HSF2: variants seen among roughly 807,000 people sequenced by gnomAD.
The protein encoded by HSF2 is heat shock factor protein 2.
HSF2 carries 21 observed loss-of-function variants against 65.0 expected under a neutral mutation model. The ratio of observed to expected loss-of-function variants is 0.32; its 90% confidence interval spans 0.23 to 0.47. The LOEUF (loss-of-function observed/expected upper bound fraction) is 0.47, where lower values mean the gene tolerates loss of function less well. HSF2 is among the 20% of genes least tolerant of loss of function. The pLI, the probability that HSF2 is intolerant of heterozygous loss-of-function variation, is 1.00. For missense variants in HSF2, 499 were observed against 628.1 expected, an observed-to-expected ratio of 0.79 and a Z score of 2.20; for synonymous variants, 225 against 219.1, an observed-to-expected ratio of 1.03 and a Z score of -0.24.
chr6:122,416,160 T>C, intron 4 of HSF2, 61 bp from the exon 5 acceptor site: 1 of 991,026 alleles, frequency 1.0e-6, no homozygotes, highest in Non-Finnish European at 1.6e-6. Flanking sequence ...TTAAAGATAC[T>C]ATGGTCTGGT....
At chr6:122,431,644 A>C in intron 12 of HSF2, 130 bp downstream of exon 12, 1 of 548,770 alleles carries the variant, frequency 1.8e-6, no homozygotes, top group African/African-American at 2.0e-5. Flanking sequence ...AGGTTCTAGT[A>C]TATAGAGAAA....
upstream of HSF2, chr6:122,399,629 T>G: frequency 1.1e-6 from 1 of 876,232 alleles, no homozygotes; most frequent in Non-Finnish European, 1.8e-6. Flanking sequence ...GGGACCAAGA[T>G]CTGCTGCGCC....
chr6:122,431,684 G>GTT (rs3085253), intron 12 of HSF2, among the ~76,000 whole-genome samples, 170 bp downstream of exon 12: 83,262 of 148,950 alleles, frequency 0.56, 23,320 homozygotes, highest in South Asian at 0.7. Context: ...AATTCTTTAA[G>GTT]TTTTTTTTTT....
Position 122,399,674 on chromosome 6 carries a change from A to G in HSF2, c.-64A>G. The G allele has an allele frequency of 7.1e-7, 1 of 1,399,930 alleles. No homozygotes were observed. Among genetic ancestry groups the G allele is most frequent in the Non-Finnish European group, 1.0e-6 (1 of 997,934 alleles). 86.7% of individuals were successfully genotyped at this position (1,399,930 alleles called of 1,614,324 possible). A position where few individuals can be genotyped will look rare whatever the true frequency, so the allele number is the denominator to read the frequency against. ...GGCGTTCTCGGGGAGCTGCTGCCGT[A>G]GCTGCCGCCGCCGCTACCACCGCGT... On this transcript the variant is annotated 5_prime_UTR_variant, in exon 1 of 13. Transcript: ENST00000368455.
chr6:122,414,092 CA>C (rs762082880), intron 4 of HSF2, among the ~76,000 whole-genome samples: 3 of 151,926 alleles, frequency 2.0e-5, no homozygotes, highest in African/African-American at 7.3e-5. Context: ...AAGTAGGACA[CA>C]AAAAAATCGG....
intron 10 of HSF2, among the ~76,000 whole-genome samples, chr6:122,425,543 T>A (rs1463809698): frequency 6.6e-6 from 1 of 152,062 alleles, no homozygotes; most frequent in African/African-American, 2.4e-5. Context: ...TGGCAAGAAT[T>A]AGAAATAATT....
intron 4 of HSF2, among the ~76,000 whole-genome samples, chr6:122,415,878 G>A (rs1174518814): frequency 1.3e-5 from 2 of 152,116 alleles, no homozygotes; most frequent in Admixed American, 1.3e-4. Flanking sequence ...TTAGCTGGTT[G>A]TGGTGGCACA....
chr6:122,399,900 G>C lies in HSF2; in HGVS notation c.93+70G>C. The C allele has an allele frequency of 2.5e-6, 3 of 1,198,938 alleles. No homozygotes were observed. The South Asian group carries it at 3.7e-5, about 15-fold the overall frequency. 74.3% of individuals were successfully genotyped at this position (1,198,938 alleles called of 1,614,324 possible). On this transcript the variant is annotated intron_variant, in intron 1 of 12. Transcript: ENST00000368455. ...CTCCTCACTCGCTCTCCTGCGGGGT[G>C]GTCTCTCGCGGCCTTGCGGCTCGAC...
chr6:122,427,758 T>C, intron 10 of HSF2, 145 bp from the exon 11 acceptor site: 2 of 441,386 alleles, frequency 4.5e-6, no homozygotes, highest in Non-Finnish European at 8.1e-6. Flanking sequence ...TTTCTGCTTT[T>C]CTCTTTCAAA....
At chr6:122,429,210 C>T (rs1254401691) in intron 11 of HSF2, among the ~76,000 whole-genome samples, 2 of 151,900 alleles carry the variant, frequency 1.3e-5, no homozygotes, top group Non-Finnish European at 2.9e-5. Context: ...TCTCATGGAC[C>T]ATTTAAGTTG....
At chr6:122,427,818 C>A in intron 10 of HSF2, 85 bp from the exon 11 acceptor site, 1 of 889,772 alleles carries the variant, frequency 1.1e-6, no homozygotes, top group Non-Finnish European at 1.8e-6. Flanking sequence ...CATCTCTTCA[C>A]CCAACATGGC....
chr6:122,419,620 T>C (rs1301931313), intron 6 of HSF2, among the ~76,000 whole-genome samples: 1 of 152,192 alleles, frequency 6.6e-6, no homozygotes, highest in Non-Finnish European at 1.5e-5. Context: ...CATAGTCTTT[T>C]TAAATCTGTA....
chr6:122,432,085 C>G lies in HSF2; in HGVS notation c.1476C>G (p.Asp492Glu). Reference protein sequence around the residue: ...EVDELLDSSLDPEPTQSKLVR... With the variant: ...EVDELLDSSLEPEPTQSKLVR... ...ATGAGCTTCTGGATAGCAGCCTAGA[C>G]CCAGAACCAACCCAAAGTAAGCTTG... The change falls in exon 13 of 13, where the codon GAC becomes GAG. Residue 492 changes from aspartate to glutamate, a missense_variant. Around this residue, in one of 2 missense-constraint regions of HSF2, gnomAD observed 349 missense variants for 393.5 expected, o/e 0.89. Coordinates refer to ENST00000368455, the MANE Select transcript of HSF2 (RefSeq NM_004506.4). 1 of 1,614,094 alleles carries G rather than the reference C, an allele frequency of 6.2e-7. No individual in the cohort carries two copies. Among genetic ancestry groups the G allele is most frequent in the Non-Finnish European group, 8.5e-7 (1 of 1,179,988 alleles).
chr6:122,427,882 C>G (rs773812124), intron 10 of HSF2, 21 bp from the exon 11 acceptor site: 2 of 1,565,422 alleles, frequency 1.3e-6, no homozygotes, highest in East Asian at 2.3e-5. Context: ...AACTTATCAT[C>G]TTTCTTGTTT....
chr6:122,414,036 T>C (rs1774063672), intron 4 of HSF2, among the ~76,000 whole-genome samples: 1 of 152,136 alleles, frequency 6.6e-6, no homozygotes, highest in South Asian at 2.1e-4. Flanking sequence ...CCATCCTTTG[T>C]TTAATGGCTG....
intron 1 of HSF2, among the ~76,000 whole-genome samples, chr6:122,401,180 T>C (rs1227873912): frequency 6.6e-6 from 1 of 152,248 alleles, no homozygotes; most frequent in African/African-American, 2.4e-5. Flanking sequence ...TGAGTGTTTC[T>C]ATTAAGCATT....
At chr6:122,400,078 G>T (rs1181887731) in intron 1 of HSF2, among the ~76,000 whole-genome samples, 1 of 152,090 alleles carries the variant, frequency 6.6e-6, no homozygotes, top group African/African-American at 2.4e-5. Context: ...GGGCGTAGCG[G>T]CCCAGGCAGC....
intron 1 of HSF2, among the ~76,000 whole-genome samples, chr6:122,410,518 A>T (rs1395511486): frequency 6.6e-6 from 1 of 151,778 alleles, no homozygotes; most frequent in Non-Finnish European, 1.5e-5. Context: ...TCTCCAGAAC[A>T]ATTTTTATCT....
Position 122,431,847 on chromosome 6 carries a change from C to T in HSF2, c.1316-78C>T, listed in dbSNP as rs560825277. 4.7e-6 allele frequency: 6 copies of T among 1,277,180 alleles called. No homozygotes were observed. The South Asian group carries it at 8.5e-5, about 18-fold the overall frequency. The allele number at this position is 1,277,180 out of a possible 1,614,324, so 79.1% of individuals were successfully genotyped here. A position where few individuals can be genotyped will look rare whatever the true frequency, so the allele number is the denominator to read the frequency against. ...GAGTAGTAATTGCCTATGTGTACAT[C>T]TCTGTTTTCATTTTTTTCCCCTCAG... On this transcript the variant is annotated intron_variant, in intron 12 of 12. Coordinates refer to ENST00000368455, the MANE Select transcript of HSF2 (RefSeq NM_004506.4).
Sources: allele counts gnomAD v4.1 joint callset (sites outside exome capture counted in the v4.1 genomes callset), GRCh38; gene constraint gnomAD v4.1.1; regional missense constraint gnomAD v4.1.1; transcripts MANE v1.5; gene names NCBI Gene and HGNC (gene_info 2026-07-23, HGNC 2026-07-21).